GRIA4: variants seen among roughly 807,000 people sequenced by gnomAD.
GRIA4 encodes the protein glutamate ionotropic receptor AMPA type subunit 4.
Under a neutral mutation model 104.0 loss-of-function variants are expected in GRIA4, and 34 were observed. That is an observed-to-expected ratio of 0.33 (90% CI 0.25 to 0.44). The LOEUF (loss-of-function observed/expected upper bound fraction) is 0.44, where lower values mean the gene tolerates loss of function less well. GRIA4 is among the 20% of genes least tolerant of loss of function. The pLI, the probability that GRIA4 is intolerant of heterozygous loss-of-function variation, is 1.00. For missense variants in GRIA4, 750 were observed against 1,096.5 expected (o/e 0.68, Z 4.46); for synonymous variants, 386 against 381.9 (o/e 1.01, Z -0.13).
chr11:105,873,021 C>T (rs1277096523), intron 5 of GRIA4, among the ~76,000 whole-genome samples: 6 of 151,950 alleles, frequency 3.9e-5, no homozygotes, highest in African/African-American at 1.2e-4. Flanking sequence ...GTTTGCTGCA[C>T]CCATCAACCC....
chr11:105,666,367 G>A (rs1011770247), intron 3 of GRIA4, among the ~76,000 whole-genome samples: 3 of 151,796 alleles, frequency 2.0e-5, no homozygotes, highest in Non-Finnish European at 4.4e-5. Context: ...ACTATTCCAT[G>A]GAGAGGTAAG....
At chr11:105,823,764 T>A (rs910979669) in intron 4 of GRIA4, among the ~76,000 whole-genome samples, 20 of 152,114 alleles carry the variant, frequency 1.3e-4, no homozygotes, top group South Asian at 4.1e-4. Context: ...CGGGATTTTT[T>A]AATTATTAAT....
chr11:105,959,092 G>T (rs567228676), intron 14 of GRIA4, among the ~76,000 whole-genome samples: 8 of 152,146 alleles, frequency 5.3e-5, no homozygotes, highest in Non-Finnish European at 1.2e-4. Flanking sequence ...TGTGTCTTGG[G>T]GTTGATCTTC....
chr11:105,850,382 C>T (rs1944761509), intron 4 of GRIA4, among the ~76,000 whole-genome samples: 1 of 152,088 alleles, frequency 6.6e-6, no homozygotes, highest in African/African-American at 2.4e-5. Flanking sequence ...TATTCTATAC[C>T]ATAATTCAAA....
At chr11:105,850,792 A>T (rs948278130) in intron 4 of GRIA4, among the ~76,000 whole-genome samples, 10 of 152,290 alleles carry the variant, frequency 6.6e-5, no homozygotes, top group African/African-American at 2.4e-4. Context: ...CAATGTAAAG[A>T]GCAGAAGCCA....
chr11:105,860,073 G>A (rs1360312510), intron 4 of GRIA4, among the ~76,000 whole-genome samples: 3 of 152,106 alleles, frequency 2.0e-5, no homozygotes, highest in African/African-American at 7.2e-5. Flanking sequence ...CAAAAGGAAA[G>A]ACTAAATGGA....
At chr11:105,614,363 G>C (rs1215912303) in intron 3 of GRIA4, 2 of 151,534 alleles carry the variant, frequency 1.3e-5, no homozygotes, top group African/African-American at 4.8e-5. Flanking sequence ...AACCTCATTT[G>C]GGATAACTGT....
chr11:105,823,867 G>A (rs1436380081), intron 4 of GRIA4, among the ~76,000 whole-genome samples: 1 of 152,082 alleles, frequency 6.6e-6, no homozygotes, highest in Non-Finnish European at 1.5e-5. Context: ...ATTTGGAGAT[G>A]ATCCTTTTGA....
At position 105,654,008 on chromosome 11, in the gene GRIA4, A is replaced by C. The variant is rs1203359479; in HGVS notation, c.247+41574A>C. Among the ~76,000 whole-genome samples, 10 of 143,858 alleles carry C rather than the reference A, an allele frequency of 7.0e-5. No homozygotes were observed. The East Asian group carries it at 2.0e-3, about 29-fold the overall frequency. 94.4% of individuals were successfully genotyped at this position (143,858 alleles called of 152,430 possible). ...CGGAACACTATTTAGCCAAAAAAAA[A>C]AAAAAAAAAAAAAAAAAAAGAAAAC... On this transcript the variant is annotated intron_variant, in intron 3 of 16. Transcript: ENST00000282499.
intron 4 of GRIA4, among the ~76,000 whole-genome samples, chr11:105,857,254 C>T (rs2136005436): frequency 6.6e-6 from 1 of 152,210 alleles, no homozygotes; most frequent in East Asian, 1.9e-4. Context: ...TTATTCCTTT[C>T]TTGACTCAAA....
chr11:105,894,036 G>T (rs1565322169), intron 6 of GRIA4, among the ~76,000 whole-genome samples: 1 of 152,160 alleles, frequency 6.6e-6, no homozygotes, highest in Non-Finnish European at 1.5e-5. Flanking sequence ...TCTGTTGAGT[G>T]AATTAATTGA....
intron 3 of GRIA4, among the ~76,000 whole-genome samples, chr11:105,688,557 C>G (rs556959965): frequency 6.6e-6 from 1 of 151,332 alleles, no homozygotes; most frequent in Non-Finnish European, 1.5e-5. Flanking sequence ...AGTGAGACTC[C>G]GTCTCAAAAA....
intron 12 of GRIA4, among the ~76,000 whole-genome samples, chr11:105,926,412 A>C (rs1693876008): frequency 6.6e-6 from 1 of 152,146 alleles, no homozygotes; most frequent in South Asian, 2.1e-4. Flanking sequence ...ATGCTAAGAA[A>C]TGAGGGCAGG....
rs564332353 is a variant in GRIA4, at chr11:105,898,332, T to C, written c.790T>C (p.Leu264=). 230 of 1,575,564 alleles carry C rather than the reference T, an allele frequency of 1.5e-4. 2 individuals carry two copies. The South Asian group carries it at 2.3e-3, about 16-fold the overall frequency. Residue 264 remains leucine (L), a synonymous_variant, in exon 7 of 17, where the codon TTG becomes CTG. Coordinates refer to ENST00000282499, the MANE Select transcript of GRIA4 (RefSeq NM_000829.4). ...TGGAGCCAATGTTACTGGATTCCAG[T>C]TGGTGGATTTTAATACACCTATGGT... ...HGGANVTGFQ[L]VDFNTPMVIK...
chr11:105,932,445 A>T (rs1031663454), intron 13 of GRIA4, among the ~76,000 whole-genome samples: 3 of 152,154 alleles, frequency 2.0e-5, no homozygotes, highest in Admixed American at 2.0e-4. Flanking sequence ...AGTCTGAGCC[A>T]CGGCACCTGG....
At chr11:105,920,042 A>G (rs570894975) in intron 11 of GRIA4, among the ~76,000 whole-genome samples, 32 of 152,244 alleles carry the variant, frequency 2.1e-4, no homozygotes, top group African/African-American at 7.5e-4. Context: ...AAGGCAGACG[A>G]TTCTGCATCT....
intron 3 of GRIA4, chr11:105,614,533 T>C (rs916488457): frequency 1.3e-5 from 2 of 151,886 alleles, no homozygotes; most frequent in Non-Finnish European, 2.9e-5. Flanking sequence ...CATATAAGGA[T>C]TGAGAAAATT....
intron 4 of GRIA4, among the ~76,000 whole-genome samples, chr11:105,829,107 A>ACACACACACACACAC (rs71041630): frequency 6.6e-6 from 1 of 151,944 alleles, no homozygotes; most frequent in African/African-American, 2.4e-5. Context: ...ACACACACAC[A>ACACACACACACACAC]AATAGACTGA....
intron 3 of GRIA4, among the ~76,000 whole-genome samples, chr11:105,738,931 AAAAAAAAAAAAAAC>A (rs1455731750): frequency 8.7e-5 from 6 of 68,978 alleles, no homozygotes; most frequent in South Asian, 5.3e-4. Context: ...AAAAAAAAAC[AAAAAAAAAAAAAAC>A]AAAAAAAACC....
Sources: allele counts gnomAD v4.1 joint callset (sites outside exome capture counted in the v4.1 genomes callset), GRCh38; gene constraint gnomAD v4.1.1; transcripts MANE v1.5; gene names NCBI Gene and HGNC (gene_info 2026-07-23, HGNC 2026-07-21).